The following GBE1 variants were observed in gnomAD, a reference collection of about 807,000 sequenced individuals.
The protein encoded by GBE1 is 1,4-alpha-glucan-branching enzyme.
In GBE1, 70 loss-of-function variants were observed where a neutral mutation model predicts 88.8. The observed-to-expected ratio is 0.79, with a 90% CI of 0.65 to 0.96. The LOEUF (loss-of-function observed/expected upper bound fraction) is 0.96, where lower values mean the gene tolerates loss of function less well. Among genes scored for constraint, GBE1 ranks in the 40% least tolerant of loss-of-function variants. The pLI is 0.00. For synonymous variants in GBE1, 284 were observed against 300.1 expected, an observed-to-expected ratio of 0.95 and a Z score of 0.56; for missense variants, 872 against 871.0, an observed-to-expected ratio of 1.00 and a Z score of -0.01.
chr3:81,726,364 G>C (rs986941925), intron 1 of GBE1, among the ~76,000 whole-genome samples: 6 of 152,092 alleles, frequency 3.9e-5, no homozygotes, highest in African/African-American at 1.4e-4. Flanking sequence ...AATGTTGCTG[G>C]AAGTAAGAGG....
chr3:81,667,100 A>T (rs1481859393), intron 3 of GBE1, among the ~76,000 whole-genome samples: 1 of 152,158 alleles, frequency 6.6e-6, no homozygotes, highest in Admixed American at 6.5e-5. Context: ...TACAATGATT[A>T]TTAAAATTCT....
intron 2 of GBE1, among the ~76,000 whole-genome samples, chr3:81,695,274 T>A (rs1229354992): frequency 3.3e-5 from 5 of 152,188 alleles, no homozygotes; most frequent in African/African-American, 1.2e-4. Flanking sequence ...GAGGAATGAA[T>A]AAACAAAATG....
At chr3:81,531,084 CCT>C (rs1703006076) in intron 14 of GBE1, among the ~76,000 whole-genome samples, 1 of 151,048 alleles carries the variant, frequency 6.6e-6, no homozygotes, top group South Asian at 2.1e-4. Context: ...GCAGAAGGAG[CCT>C]CTCTATCCAT....
In GBE1 at chr3:81,748,092, C is replaced by T. The variant is rs572868520; in HGVS notation, c.143+13283G>A. On this transcript the variant is annotated intron_variant, in intron 1 of 15. Transcript: ENST00000429644. The stretch of plus-strand genomic sequence containing the variant: ...CCGAGATCACGCCACTGCACTCCAG[C>T]CTGGACAACAGGGCAAGACTCATCT... Among the ~76,000 whole-genome samples, 203 of 152,132 alleles carry T rather than the reference C, an allele frequency of 1.3e-3. 1 individual carries two copies. The highest frequency in any genetic ancestry group is 2.0e-3 in the Admixed American group (31 of 15,290).
intron 1 of GBE1, among the ~76,000 whole-genome samples, chr3:81,735,321 C>T (rs563240129): frequency 6.6e-6 from 1 of 152,306 alleles, no homozygotes; most frequent in Admixed American, 6.5e-5. Context: ...GGTAGCCCTG[C>T]TCTGTGCAAT....
At chr3:81,627,383 G>A (rs943990216) in intron 7 of GBE1, among the ~76,000 whole-genome samples, 10 of 152,152 alleles carry the variant, frequency 6.6e-5, no homozygotes, top group Non-Finnish European at 1.2e-4. Context: ...TTGCCCTGCT[G>A]AAACTTTTAT....
At chr3:81,709,827 G>A (rs1189915094) in intron 1 of GBE1, among the ~76,000 whole-genome samples, 2 of 152,056 alleles carry the variant, frequency 1.3e-5, no homozygotes, top group African/African-American at 4.8e-5. Flanking sequence ...AATGCCTGAG[G>A]ATACAGCAAG....
chr3:81,647,841 C>G (rs775763905), intron 5 of GBE1, among the ~76,000 whole-genome samples: 1 of 152,160 alleles, frequency 6.6e-6, no homozygotes, highest in East Asian at 1.9e-4. Flanking sequence ...ATTTTTATGG[C>G]ATTAATCATT....
chr3:81,753,373 T>C (rs1706559040), intron 1 of GBE1, among the ~76,000 whole-genome samples: 1 of 152,192 alleles, frequency 6.6e-6, no homozygotes, highest in Admixed American at 6.5e-5. Context: ...TACCTGGTAG[T>C]AGCAATTTTC....
intron 12 of GBE1, among the ~76,000 whole-genome samples, chr3:81,541,459 GC>G (rs1035830044): frequency 3.4e-5 from 5 of 146,908 alleles, no homozygotes; most frequent in African/African-American, 1.3e-4. Context: ...TGCCCCCCCC[GC>G]CACCTCGCCC....
chr3:81,511,005 A>G (rs987729441), intron 14 of GBE1, among the ~76,000 whole-genome samples: 1 of 152,036 alleles, frequency 6.6e-6, no homozygotes, highest in African/African-American at 2.4e-5. Flanking sequence ...ATATCAAAAC[A>G]TCACACTGTA....
rs530362190 is a variant in GBE1, at chr3:81,617,669, C to T, written c.993-23646G>A. On this transcript the variant is annotated intron_variant, in intron 7 of 15. Transcript: ENST00000429644. ...TCCTAATTCACGAGGAATATTGACC[C>T]GTAGTTATCTTCTTATTACTATCTT... 9.9e-5 allele frequency among the ~76,000 whole-genome samples: 15 copies of T among 151,788 alleles called. No individual in the cohort carries two copies. In the South Asian group the frequency reaches 2.9e-3, roughly 30 times the overall value.
Position 81,571,083 on chromosome 3 carries a change from G to A in GBE1, c.1618+6842C>T, listed in dbSNP as rs141607707. Among the ~76,000 whole-genome samples the A allele has an allele frequency of 5.9e-5, 9 of 152,154 alleles. No individual in the cohort carries two copies. In the East Asian group the frequency reaches 1.7e-3, roughly 29 times the overall value. The stretch of plus-strand genomic sequence containing the variant: ...TGAAACAAACAAAAATAAAATGGAG[G>A]GAAAAAGGAGGTAAATTCAAGGTGG... On this transcript the variant is annotated intron_variant, in intron 12 of 15. Coordinates refer to ENST00000429644, the MANE Select transcript of GBE1 (RefSeq NM_000158.4).
chr3:81,707,147 G>T (rs538535774), intron 1 of GBE1, among the ~76,000 whole-genome samples: 1 of 151,890 alleles, frequency 6.6e-6, no homozygotes, highest in South Asian at 2.1e-4. Flanking sequence ...GAAAGGTTTG[G>T]GAAACAAACA....
intron 7 of GBE1, among the ~76,000 whole-genome samples, chr3:81,605,799 G>A (rs971628962): frequency 3.9e-5 from 6 of 152,096 alleles, no homozygotes; most frequent in Non-Finnish European, 8.8e-5. Flanking sequence ...GGACATAGGC[G>A]ATGTGTAAAG....
intron 14 of GBE1, among the ~76,000 whole-genome samples, chr3:81,520,202 C>T (rs907254750): frequency 6.6e-6 from 1 of 151,494 alleles, no homozygotes; most frequent in Non-Finnish European, 1.5e-5. Context: ...TTTGCAGATA[C>T]TGTGTTTTTT....
chr3:81,501,187 A>ATGTGACAAGACACAAGAGC lies in GBE1; in HGVS notation c.1935-1979_1935-1961dup, dbSNP rs1702582051. ...ACACAACGAATGATCAATTATGGGA[A>ATGTGACAAGACACAAGAGC]TGTGACAAGACACAAGAGCTTGTGC... On this transcript the variant is annotated intron_variant, in intron 14 of 15. Transcript: ENST00000429644. 3.9e-5 allele frequency among the ~76,000 whole-genome samples: 6 copies of ATGTGACAAGACACAAGAGC among 152,342 alleles called. No homozygotes were observed. The South Asian group carries it at 1.2e-3, about 32-fold the overall frequency.
At chr3:81,755,367 G>T (rs2107242040) in intron 1 of GBE1, among the ~76,000 whole-genome samples, 1 of 152,092 alleles carries the variant, frequency 6.6e-6, no homozygotes, top group East Asian at 1.9e-4. Context: ...CACTGTTGGT[G>T]GGAATGTAAA....
rs371114748 is a variant in GBE1 at position 81,524,791 on chromosome 3, T to A, written c.1934+10404A>T. Among the ~76,000 whole-genome samples, 7 of 152,100 alleles carry A rather than the reference T, an allele frequency of 4.6e-5. No individual in the cohort carries two copies. In the South Asian group the frequency reaches 1.0e-3, roughly 23 times the overall value. ...TGTGTCTGTTTTTATGGCATTACCA[T>A]GCTGTTTTGGTCACTATAGCTCTGT... On this transcript the variant is annotated intron_variant, in intron 14 of 15. Transcript: ENST00000429644.
Sources: gnomAD v4.1 joint callset for allele counts (sites outside exome capture counted in the v4.1 genomes callset) on GRCh38, gnomAD v4.1.1 for gene constraint, MANE v1.5 for transcripts, NCBI Gene and HGNC (gene_info 2026-07-23, HGNC 2026-07-21) for gene names.